ERC2: variants seen among roughly 807,000 people sequenced by gnomAD.
The protein encoded by ERC2 is ELKS/RAB6-interacting/CAST family member 2.
Under a neutral mutation model 114.8 loss-of-function variants are expected in ERC2, and 42 were observed. The ratio of observed to expected loss-of-function variants is 0.37; its 90% CI spans 0.29 to 0.47. The LOEUF is 0.47. ERC2 is among the 20% of genes least tolerant of loss of function. The probability of loss-of-function intolerance (pLI) is 0.99; values close to 1 mark genes in which losing one functional copy is unlikely to be tolerated. For synonymous variants in ERC2, 454 were observed against 425.5 expected, an observed-to-expected ratio of 1.07 and a Z score of -0.82; for missense variants, 939 against 1,150.7, an observed-to-expected ratio of 0.82 and a Z score of 2.66.
intron 3 of ERC2, among the ~76,000 whole-genome samples, chr3:56,288,322 AAGC>A (rs2054858265): frequency 6.6e-6 from 1 of 152,164 alleles, no homozygotes; most frequent in Non-Finnish European, 1.5e-5. Flanking sequence ...ACCTAAGGTA[AAGC>A]AGGAGGATGA....
chr3:56,152,569 T>C (rs926125475), intron 4 of ERC2, among the ~76,000 whole-genome samples: 1 of 152,080 alleles, frequency 6.6e-6, no homozygotes, highest in African/African-American at 2.4e-5. Flanking sequence ...GCACCTCACG[T>C]CTCAGGCAAT....
intron 13 of ERC2, among the ~76,000 whole-genome samples, chr3:55,930,284 G>T (rs1272945205): frequency 6.6e-6 from 1 of 152,074 alleles, no homozygotes; most frequent in African/African-American, 2.4e-5. Flanking sequence ...CCAGTCTCAG[G>T]TAGTTTTTTA....
chr3:55,731,260 C>T (rs1483390814), intron 15 of ERC2, among the ~76,000 whole-genome samples: 1 of 152,146 alleles, frequency 6.6e-6, no homozygotes, highest in Non-Finnish European at 1.5e-5. Flanking sequence ...TGCCACAGCT[C>T]AACAATGTGT....
chr3:55,995,042 T>G (rs573592673), intron 10 of ERC2, among the ~76,000 whole-genome samples: 2 of 152,252 alleles, frequency 1.3e-5, no homozygotes, highest in African/African-American at 4.8e-5. Flanking sequence ...TTAAAATAAA[T>G]AGACAACCTC....
intron 10 of ERC2, among the ~76,000 whole-genome samples, chr3:56,005,850 T>A (rs971168136): frequency 1.3e-5 from 2 of 152,106 alleles, no homozygotes; most frequent in African/African-American, 4.8e-5. Flanking sequence ...TCCCTTAATA[T>A]GCATATCATA....
chr3:56,371,565 T>C (rs575866063), intron 2 of ERC2, among the ~76,000 whole-genome samples: 1 of 152,310 alleles, frequency 6.6e-6, no homozygotes, highest in Non-Finnish European at 1.5e-5. Flanking sequence ...CCCAACCACA[T>C]GCATGCACAC....
chr3:56,432,804 T>A (rs2061850056), intron 2 of ERC2, among the ~76,000 whole-genome samples: 1 of 152,192 alleles, frequency 6.6e-6, no homozygotes, highest in Non-Finnish European at 1.5e-5. Flanking sequence ...TAGAGTTATC[T>A]CAATTTCCTT....
intron 2 of ERC2, among the ~76,000 whole-genome samples, chr3:56,311,387 C>T (rs1293983255): frequency 1.6e-5 from 2 of 126,726 alleles, no homozygotes; most frequent in South Asian, 2.5e-4. Context: ...GCAAGCTCTG[C>T]CTCCCAGGTT....
intron 8 of ERC2, among the ~76,000 whole-genome samples, chr3:56,016,920 C>G (rs577847205): frequency 2.6e-5 from 4 of 152,188 alleles, no homozygotes; most frequent in African/African-American, 9.6e-5. Context: ...AATGCTATTA[C>G]TCTAGTAGGG....
intron 6 of ERC2, among the ~76,000 whole-genome samples, chr3:56,120,723 G>C (rs2079526840): frequency 6.6e-6 from 1 of 152,164 alleles, no homozygotes; most frequent in Non-Finnish European, 1.5e-5. Flanking sequence ...TCTGAAAAGA[G>C]TTACCATGTG....
intron 1 of ERC2, among the ~76,000 whole-genome samples, chr3:56,452,223 G>A (rs144725059): frequency 6.6e-6 from 1 of 152,308 alleles, no homozygotes. Context: ...GAAATAAGAT[G>A]GTCTTGGGGA....
chr3:55,835,939 A>G (rs1327507410), intron 14 of ERC2, among the ~76,000 whole-genome samples: 1 of 151,616 alleles, frequency 6.6e-6, no homozygotes, highest in Non-Finnish European at 1.5e-5. Flanking sequence ...AAAAATCACA[A>G]GCATTCTTAT....
chr3:56,235,881 A>C (rs2050910413), intron 3 of ERC2, among the ~76,000 whole-genome samples: 1 of 152,206 alleles, frequency 6.6e-6, no homozygotes, highest in Non-Finnish European at 1.5e-5. Flanking sequence ...TTCTGCTGTC[A>C]ACAATCCCTT....
At chr3:56,237,680 GA>G (rs2051045489) in intron 3 of ERC2, among the ~76,000 whole-genome samples, 1 of 152,066 alleles carries the variant, frequency 6.6e-6, no homozygotes, top group African/African-American at 2.4e-5. Flanking sequence ...TCTATGACAG[GA>G]CAGAAGGAAG....
At chr3:55,993,044 G>A (rs1255225004) in intron 10 of ERC2, among the ~76,000 whole-genome samples, 1 of 152,148 alleles carries the variant, frequency 6.6e-6, no homozygotes, top group Non-Finnish European at 1.5e-5. Context: ...TTGTGTGTGA[G>A]AGAGTGCGTT....
chr3:56,329,640 G>C (rs1034938353), intron 2 of ERC2, among the ~76,000 whole-genome samples: 16 of 152,134 alleles, frequency 1.1e-4, no homozygotes, highest in Admixed American at 1.0e-3. Context: ...AAACAAGACT[G>C]AGAAGCACTT....
intron 2 of ERC2, among the ~76,000 whole-genome samples, chr3:56,365,607 C>T (rs113446328): frequency 0.028 from 4,235 of 152,360 alleles, 64 homozygotes; most frequent in South Asian, 0.071. Flanking sequence ...GTATGGTCCA[C>T]AAGCTAAGAA....
intron 2 of ERC2, among the ~76,000 whole-genome samples, chr3:56,418,623 T>C (rs974904431): frequency 2.6e-5 from 4 of 152,236 alleles, no homozygotes; most frequent in Admixed American, 6.5e-5. Context: ...TGAGATACCA[T>C]ATATGTGGCC....
intron 2 of ERC2, among the ~76,000 whole-genome samples, chr3:56,330,256 C>T (rs987900261): frequency 2.0e-5 from 3 of 152,104 alleles, no homozygotes; most frequent in Non-Finnish European, 2.9e-5. Context: ...CCACACTGGT[C>T]TCGAATTCCT....
Sources: gnomAD v4.1 joint callset for allele counts (sites outside exome capture counted in the v4.1 genomes callset) on GRCh38, gnomAD v4.1.1 for gene constraint, MANE v1.5 for transcripts, NCBI Gene and HGNC (gene_info 2026-07-23, HGNC 2026-07-21) for gene names.